Variants in ZNF804B observed in about 807,000 individuals in gnomAD.
The protein encoded by ZNF804B is zinc finger protein 804B.
Under a neutral mutation model 101.4 loss-of-function variants are expected in ZNF804B, and 80 were observed. That is an observed-to-expected ratio of 0.79 (90% confidence interval 0.66 to 0.95). ZNF804B has a LOEUF of 0.95. ZNF804B is among the 40% of genes least tolerant of loss of function. The pLI is 0.00. For missense variants in ZNF804B, 1,673 were observed against 1,561.9 expected (o/e 1.07, Z -1.20); for synonymous variants, 622 against 558.8 (o/e 1.11, Z -1.59).
At chr7:88,911,196 G>A (rs1792545459) in intron 1 of ZNF804B, among the ~76,000 whole-genome samples, 1 of 151,896 alleles carries the variant, frequency 6.6e-6, no homozygotes, top group Admixed American at 6.6e-5. Context: ...ATTTATGTAA[G>A]TGCGAAAGGA....
At chr7:89,092,993 A>C (rs1322800948) in intron 1 of ZNF804B, among the ~76,000 whole-genome samples, 1 of 152,212 alleles carries the variant, frequency 6.6e-6, no homozygotes, top group African/African-American at 2.4e-5. Context: ...TAAATCATAC[A>C]TATACATATA....
chr7:89,258,762 C>T (rs1584088111), intron 2 of ZNF804B, among the ~76,000 whole-genome samples: 1 of 151,780 alleles, frequency 6.6e-6, no homozygotes, highest in East Asian at 1.9e-4. Flanking sequence ...ATAAAGTAAG[C>T]TAGAGAGACA....
At chr7:88,805,553 A>G (rs994424820) in intron 1 of ZNF804B, among the ~76,000 whole-genome samples, 3 of 152,190 alleles carry the variant, frequency 2.0e-5, no homozygotes, top group Non-Finnish European at 4.4e-5. Context: ...GTTGTGGACA[A>G]TTGAGAGACT....
intron 1 of ZNF804B, among the ~76,000 whole-genome samples, chr7:89,018,292 C>T (rs147903384): frequency 6.6e-6 from 1 of 151,878 alleles, no homozygotes; most frequent in Admixed American, 6.6e-5. Flanking sequence ...CTCTTTTATT[C>T]TGTTGATGTG....
At chr7:89,020,274 T>G (rs1209405986) in intron 1 of ZNF804B, among the ~76,000 whole-genome samples, 1 of 152,146 alleles carries the variant, frequency 6.6e-6, no homozygotes, top group Non-Finnish European at 1.5e-5. Context: ...TAGTTTTTCC[T>G]TGCCAGGAAA....
intron 1 of ZNF804B, among the ~76,000 whole-genome samples, chr7:88,798,899 C>T (rs779894201): frequency 7.2e-5 from 11 of 152,038 alleles, no homozygotes; most frequent in African/African-American, 1.7e-4. Flanking sequence ...TGTCTGTCTA[C>T]GTATCTGGAT....
At chr7:88,959,829 A>T (rs1793364154) in intron 1 of ZNF804B, among the ~76,000 whole-genome samples, 1 of 151,348 alleles carries the variant, frequency 6.6e-6, no homozygotes, top group Non-Finnish European at 1.5e-5. Flanking sequence ...ACCACGCAAA[A>T]ATTCATCCAT....
rs144948668 is a variant in ZNF804B at position 88,887,494 on chromosome 7, A to T, written c.108+127410A>T. On this transcript the variant is annotated intron_variant, in intron 1 of 3. Coordinates refer to ENST00000333190, the MANE Select transcript of ZNF804B (RefSeq NM_181646.5). ...CAGCTTTAATCTTCTGCATATGGCTAGCCAGTTACCCCAGCACCATTTATT... is the reference window on the plus strand; with the variant it reads ...CAGCTTTAATCTTCTGCATATGGCTTGCCAGTTACCCCAGCACCATTTATT... Among the ~76,000 whole-genome samples the T allele has an allele frequency of 4.8e-3, 736 of 152,258 alleles. 6 individuals are homozygous for T. The highest frequency in any genetic ancestry group is 7.9e-3 in the South Asian group (38 of 4,826).
intron 1 of ZNF804B, among the ~76,000 whole-genome samples, chr7:88,941,001 C>T (rs1325920351): frequency 6.6e-6 from 1 of 151,344 alleles, no homozygotes; most frequent in Non-Finnish European, 1.5e-5. Flanking sequence ...ATTCAGAGGG[C>T]AAATAAGCAT....
chr7:88,956,347 T>G (rs1793308569), intron 1 of ZNF804B, among the ~76,000 whole-genome samples: 1 of 151,518 alleles, frequency 6.6e-6, no homozygotes, highest in Admixed American at 6.6e-5. Context: ...GTGTCCTAAG[T>G]GTCTTTTACA....
chr7:89,008,980 C>A (rs778457692), intron 1 of ZNF804B, among the ~76,000 whole-genome samples: 1 of 152,128 alleles, frequency 6.6e-6, no homozygotes, highest in Non-Finnish European at 1.5e-5. Flanking sequence ...CACTGTGATA[C>A]AGGGTCATAT....
chr7:89,136,312 T>C (rs2116386528), intron 1 of ZNF804B, among the ~76,000 whole-genome samples: 1 of 152,228 alleles, frequency 6.6e-6, no homozygotes, highest in African/African-American at 2.4e-5. Flanking sequence ...GCTATTTCTT[T>C]GTGTGTGTAT....
chr7:88,845,182 A>G (rs914268620), intron 1 of ZNF804B, among the ~76,000 whole-genome samples: 1 of 152,164 alleles, frequency 6.6e-6, no homozygotes, highest in Non-Finnish European at 1.5e-5. Context: ...GTTTTAATCT[A>G]TTACGTGTTG....
At chr7:88,834,703 C>A (rs1032375052) in intron 1 of ZNF804B, among the ~76,000 whole-genome samples, 1 of 151,288 alleles carries the variant, frequency 6.6e-6, no homozygotes, top group African/African-American at 2.4e-5. Flanking sequence ...GTAGTTTGAA[C>A]AAAACATCAC....
chr7:88,989,050 G>A (rs1793806298), intron 1 of ZNF804B, among the ~76,000 whole-genome samples: 1 of 151,990 alleles, frequency 6.6e-6, no homozygotes, highest in Non-Finnish European at 1.5e-5. Flanking sequence ...TTGAGACGGA[G>A]TCTCACTCTG....
intron 1 of ZNF804B, among the ~76,000 whole-genome samples, chr7:89,200,453 C>T (rs1336757098): frequency 6.6e-6 from 1 of 151,968 alleles, no homozygotes; most frequent in Admixed American, 6.6e-5. Context: ...ACTACAAATA[C>T]TTAGACTCCT....
chr7:88,806,472 T>A (rs1790694903), intron 1 of ZNF804B, among the ~76,000 whole-genome samples: 1 of 152,128 alleles, frequency 6.6e-6, no homozygotes, highest in Non-Finnish European at 1.5e-5. Context: ...TTAACTTTCG[T>A]ATCTGGCATT....
At chr7:88,915,849 A>C (rs1792625730) in intron 1 of ZNF804B, among the ~76,000 whole-genome samples, 1 of 151,164 alleles carries the variant, frequency 6.6e-6, no homozygotes, top group Admixed American at 6.6e-5. Flanking sequence ...ATAGTGTAAC[A>C]ATATCTATGA....
chr7:88,934,877 G>C (rs114670931), intron 1 of ZNF804B, among the ~76,000 whole-genome samples: 1 of 151,820 alleles, frequency 6.6e-6, no homozygotes, highest in Non-Finnish European at 1.5e-5. Context: ...CCACTACTGG[G>C]TATCTACCCA....
Sources: allele counts gnomAD v4.1 joint callset (sites outside exome capture counted in the v4.1 genomes callset), GRCh38; gene constraint gnomAD v4.1.1; transcripts MANE v1.5; gene names NCBI Gene and HGNC (gene_info 2026-07-23, HGNC 2026-07-21).